NUBPL: variants seen among roughly 807,000 people sequenced by gnomAD.
NUBPL encodes the protein iron-sulfur cluster transfer protein NUBPL.
A neutral mutation model predicts 45.7 loss-of-function variants in NUBPL; 31 were observed. The observed-to-expected ratio is 0.68, with a 90% CI of 0.51 to 0.92. The LOEUF is 0.92. NUBPL is among the 40% of genes least tolerant of loss of function. The pLI is 0.00. For synonymous variants in NUBPL, 144 were observed against 140.9 expected, an observed-to-expected ratio of 1.02 and a Z score of -0.15; for missense variants, 401 against 398.7, an observed-to-expected ratio of 1.01 and a Z score of -0.05.
chr14:31,859,891 A>G lies in NUBPL; in HGVS notation c.*711A>G, dbSNP rs2040685077. ...TTGAGATATAATTTGAAGGCACTCA[A>G]CCTTGAGTGTCTTGCTGAGGGTTAC... On this transcript the variant is annotated 3_prime_UTR_variant, in exon 11 of 11. Transcript: ENST00000281081. 1 of 153,180 alleles carries G rather than the reference A, an allele frequency of 6.5e-6. No homozygotes were observed. Among genetic ancestry groups the G allele is most frequent in the Admixed American group, 6.5e-5 (1 of 15,462 alleles). The allele number at this position is 153,180 out of a possible 1,614,324, so 9.5% of individuals were successfully genotyped here.
At position 31,645,426 on chromosome 14, in the gene NUBPL, A is replaced by C. The variant is rs531330244; in HGVS notation, c.383-27929A>C. Among the ~76,000 whole-genome samples the C allele has an allele frequency of 5.3e-5, 8 of 152,208 alleles. No homozygotes were observed. In the East Asian group the frequency reaches 1.5e-3, roughly 29 times the overall value. On this transcript the variant is annotated intron_variant, in intron 4 of 10. Transcript: ENST00000281081. ...GTCTTATTTCTTTGTCTCTTCAGCC[A>C]CTTTGTCTTTTAATTAGAGATTTGA...
intron 4 of NUBPL, among the ~76,000 whole-genome samples, chr14:31,658,553 C>T (rs1289471386): frequency 1.3e-5 from 2 of 151,500 alleles, no homozygotes; most frequent in Non-Finnish European, 2.9e-5. Context: ...CACTCTGTCA[C>T]CCAGGCTGGA....
intron 3 of NUBPL, among the ~76,000 whole-genome samples, chr14:31,567,985 G>T (rs8017575): frequency 5.1e-4 from 78 of 152,238 alleles, no homozygotes; most frequent in African/African-American, 1.8e-3. Context: ...TTCTAGTGTG[G>T]TTATGGTTTT....
chr14:31,639,701 G>A (rs2035624743), intron 4 of NUBPL, among the ~76,000 whole-genome samples: 1 of 152,208 alleles, frequency 6.6e-6, no homozygotes, highest in Admixed American at 6.5e-5. Context: ...GCCTACAGAG[G>A]CAGGCAGGCC....
intron 8 of NUBPL, among the ~76,000 whole-genome samples, chr14:31,834,221 G>A (rs765140350): frequency 2.1e-4 from 27 of 126,626 alleles, no homozygotes; most frequent in East Asian, 1.6e-3. Context: ...TTGCTCTGTC[G>A]CCAGGCTGGA....
intron 6 of NUBPL, among the ~76,000 whole-genome samples, chr14:31,781,488 C>A (rs1200062384): frequency 2.6e-5 from 4 of 152,178 alleles, no homozygotes; most frequent in Admixed American, 2.6e-4. Context: ...AGAAACTAGA[C>A]AGTTCTCAGG....
intron 4 of NUBPL, among the ~76,000 whole-genome samples, chr14:31,640,259 A>G (rs1306374931): frequency 6.6e-6 from 1 of 152,088 alleles, no homozygotes; most frequent in Admixed American, 6.5e-5. Flanking sequence ...TCTTTACACT[A>G]CTTTACTTCT....
chr14:31,717,407 A>G (rs879699786), intron 6 of NUBPL, among the ~76,000 whole-genome samples: 6 of 152,170 alleles, frequency 3.9e-5, no homozygotes, highest in African/African-American at 9.7e-5. Context: ...AGGGCCACAC[A>G]TTCTCTTGTC....
At chr14:31,640,339 C>T (rs1319423579) in intron 4 of NUBPL, among the ~76,000 whole-genome samples, 1 of 152,168 alleles carries the variant, frequency 6.6e-6, no homozygotes, top group Non-Finnish European at 1.5e-5. Flanking sequence ...GGCTTGGTGG[C>T]TCACGCGCCC....
At chr14:31,759,882 A>G (rs2038760690) in intron 6 of NUBPL, among the ~76,000 whole-genome samples, 1 of 151,478 alleles carries the variant, frequency 6.6e-6, no homozygotes, top group South Asian at 2.1e-4. Context: ...GTAGGCCAGT[A>G]TAAGTGTTCT....
intron 7 of NUBPL, among the ~76,000 whole-genome samples, chr14:31,815,731 C>CA (rs1292236029): frequency 1.0e-4 from 13 of 129,360 alleles, no homozygotes; most frequent in South Asian, 2.7e-4. Context: ...GTTTATTGAG[C>CA]GTTTTTAGCA....
At chr14:31,752,321 C>T (rs2038550018) in intron 6 of NUBPL, among the ~76,000 whole-genome samples, 1 of 152,184 alleles carries the variant, frequency 6.6e-6, no homozygotes, top group Non-Finnish European at 1.5e-5. Flanking sequence ...TCTTTGTGAA[C>T]ACATATGACT....
intron 4 of NUBPL, among the ~76,000 whole-genome samples, chr14:31,603,689 A>C (rs1595354902): frequency 6.6e-6 from 1 of 152,312 alleles, no homozygotes; most frequent in Middle Eastern, 3.4e-3. Context: ...TTTGAAGAAA[A>C]CTTAAAGATT....
intron 4 of NUBPL, among the ~76,000 whole-genome samples, chr14:31,668,239 C>G (rs184744940): frequency 6.6e-6 from 1 of 152,188 alleles, no homozygotes; most frequent in Non-Finnish European, 1.5e-5. Flanking sequence ...TGCTGCCTTT[C>G]TTTCAGAGAT....
chr14:31,760,144 T>TGTGTGTGTGTGTGTGTGTGTGTGAGAGA, intron 6 of NUBPL, among the ~76,000 whole-genome samples: 1 of 34,842 alleles, frequency 2.9e-5, no homozygotes, highest in African/African-American at 1.1e-4. Flanking sequence ...TGTGTGTGTG[T>TGTGTGTGTGTGTGTGTGTGTGTGAGAGA]GAGAGAGAGA....
At chr14:31,798,383 G>A (rs929770721) in intron 7 of NUBPL, among the ~76,000 whole-genome samples, 2 of 136,208 alleles carry the variant, frequency 1.5e-5, no homozygotes, top group Non-Finnish European at 3.1e-5. Flanking sequence ...CTTTGTTTTA[G>A]TGTGTGGGAT....
intron 6 of NUBPL, among the ~76,000 whole-genome samples, chr14:31,747,162 G>C (rs2038419033): frequency 7.2e-6 from 1 of 139,446 alleles, no homozygotes; most frequent in African/African-American, 2.9e-5. Flanking sequence ...CTGAGTCGGA[G>C]TCTCGCTGTG....
At position 31,761,959 on chromosome 14, in the gene NUBPL, A is replaced by G. The variant is rs549824779; in HGVS notation, c.514-25821A>G. On this transcript the variant is annotated intron_variant, in intron 6 of 10. Transcript: ENST00000281081. ...ACCTATATGAATTTGATGTTTTCCTAGGTGCCTTTACATTGTACTAAGTTT... is the reference window on the plus strand; with the variant it reads ...ACCTATATGAATTTGATGTTTTCCTGGGTGCCTTTACATTGTACTAAGTTT... Among the ~76,000 whole-genome samples the G allele has an allele frequency of 4.5e-4, 68 of 152,260 alleles. 1 individual carries two copies. Among genetic ancestry groups the G allele is most frequent in the African/African-American group, 1.5e-3 (63 of 41,554 alleles).
In NUBPL at chr14:31,655,787, T is replaced by G. The variant is rs550038585; in HGVS notation, c.383-17568T>G. 5.3e-5 allele frequency among the ~76,000 whole-genome samples: 8 copies of G among 152,260 alleles called. No homozygotes were observed. The South Asian group carries it at 1.7e-3, about 32-fold the overall frequency. ...TTCCATTTATAGAGCACAGGCAGAG[T>G]AGATTTAGCATAATTTTTGAGAGCC... is the stretch of plus-strand genomic sequence containing the variant. On this transcript the variant is annotated intron_variant, in intron 4 of 10. Transcript: ENST00000281081.
Sources: allele counts gnomAD v4.1 joint callset (sites outside exome capture counted in the v4.1 genomes callset), GRCh38; gene constraint gnomAD v4.1.1; transcripts MANE v1.5; gene names NCBI Gene and HGNC (gene_info 2026-07-23, HGNC 2026-07-21).